Variants in PALM2AKAP2 observed in about 807,000 individuals in gnomAD.
The protein encoded by PALM2AKAP2 is PALM2-AKAP2 fusion protein.
PALM2AKAP2 carries 37 observed loss-of-function variants against 71.5 expected under a neutral mutation model. That is an observed-to-expected ratio of 0.52 (90% CI 0.40 to 0.68). The LOEUF (loss-of-function observed/expected upper bound fraction) is 0.68, where lower values mean the gene tolerates loss of function less well. Ranked by LOEUF, PALM2AKAP2 falls within the 30% of genes least tolerant of loss-of-function variation. The pLI, the probability that PALM2AKAP2 is intolerant of heterozygous loss-of-function variation, is 0.00. For synonymous variants in PALM2AKAP2, 468 were observed against 478.8 expected (o/e 0.98, Z 0.29); for missense variants, 1,224 against 1,191.8 (o/e 1.03, Z -0.40).
chr9:109,757,355 G>A (rs1450619486), intron 1 of PALM2AKAP2, among the ~76,000 whole-genome samples: 3 of 152,066 alleles, frequency 2.0e-5, no homozygotes, highest in Non-Finnish European at 4.4e-5. Flanking sequence ...ATACCAATGC[G>A]TGGTTTAATA....
intron 1 of PALM2AKAP2, among the ~76,000 whole-genome samples, chr9:110,070,754 T>G (rs1337748697): frequency 6.6e-6 from 1 of 152,198 alleles, no homozygotes; most frequent in Non-Finnish European, 1.5e-5. Flanking sequence ...GCGACCCCAG[T>G]CAGAACATGG....
intron 1 of PALM2AKAP2, among the ~76,000 whole-genome samples, chr9:110,050,376 T>C (rs1833685960): frequency 1.3e-5 from 2 of 152,210 alleles, no homozygotes; most frequent in African/African-American, 2.4e-5. Context: ...CACACTTTTC[T>C]TTCTGGAAAT....
intron 1 of PALM2AKAP2, among the ~76,000 whole-genome samples, chr9:109,812,874 A>G (rs1827760508): frequency 6.6e-6 from 1 of 152,226 alleles, no homozygotes; most frequent in Non-Finnish European, 1.5e-5. Flanking sequence ...TGGAAGGGGC[A>G]GTACCTGTTC....
chr9:109,775,806 T>C (rs187381400), upstream of PALM2AKAP2, among the ~76,000 whole-genome samples: 118 of 152,348 alleles, frequency 7.7e-4, no homozygotes, highest in African/African-American at 2.8e-3. Flanking sequence ...CACAAAGGAA[T>C]TGGCTATGAT....
chr9:109,959,328 T>C (rs1831808295), intron 6 of PALM2AKAP2, among the ~76,000 whole-genome samples: 1 of 152,136 alleles, frequency 6.6e-6, no homozygotes, highest in Admixed American at 6.6e-5. Context: ...TGCTCTGTAA[T>C]ACACCATAGA....
intron 7 of PALM2AKAP2, chr9:110,025,505 T>G: frequency 1.7e-6 from 1 of 598,920 alleles, no homozygotes; most frequent in Non-Finnish European, 2.9e-6. Context: ...GATAGTCACA[T>G]GTAAGCCTTT....
chr9:110,016,144 C>G, intron 7 of PALM2AKAP2, 105 bp downstream of exon 7: 1 of 1,097,348 alleles, frequency 9.1e-7, no homozygotes, highest in Non-Finnish European at 1.4e-6. Flanking sequence ...ATCCACCTTG[C>G]TAGAGTTCTC....
chr9:109,710,179 C>A lies in PALM2AKAP2; in HGVS notation c.5+69313C>A, dbSNP rs150749276. Among the ~76,000 whole-genome samples the A allele has an allele frequency of 2.2e-3, 337 of 152,324 alleles. 1 individual carries two copies. Among genetic ancestry groups the A allele is most frequent in the African/African-American group, 7.7e-3 (320 of 41,580 alleles). ...TAGAAGGACCCAATCGTGCCAACACCTTAGGACTTCTGGCCTCCAGAACTG... is the reference window on the plus strand; with the variant it reads ...TAGAAGGACCCAATCGTGCCAACACATTAGGACTTCTGGCCTCCAGAACTG... On this transcript the variant is annotated intron_variant, in intron 1 of 6. Transcript: ENST00000374531.
At chr9:109,980,357 A>G (rs1832248874) in intron 6 of PALM2AKAP2, among the ~76,000 whole-genome samples, 2 of 152,268 alleles carry the variant, frequency 1.3e-5, no homozygotes, top group South Asian at 4.1e-4. Context: ...TAAACTGCTC[A>G]CATTCTTTTG....
chr9:110,090,922 A>G (rs551184611), intron 1 of PALM2AKAP2, among the ~76,000 whole-genome samples: 51 of 152,138 alleles, frequency 3.4e-4, no homozygotes, highest in African/African-American at 1.1e-3. Context: ...CTGGGAATGT[A>G]TGAACGGTAT....
chr9:110,052,154 G>A (rs574096435), intron 1 of PALM2AKAP2, among the ~76,000 whole-genome samples: 17 of 152,180 alleles, frequency 1.1e-4, no homozygotes, highest in Admixed American at 5.2e-4. Context: ...TGCCCGCCTC[G>A]GCCTCCCAAA....
At chr9:110,065,096 G>A (rs1834049631) in intron 1 of PALM2AKAP2, among the ~76,000 whole-genome samples, 1 of 152,216 alleles carries the variant, frequency 6.6e-6, no homozygotes, top group African/African-American at 2.4e-5. Flanking sequence ...CTTTCTGGTG[G>A]AGGGCCAGCT....
chr9:110,129,546 A>AT (rs1216021355), intron 1 of PALM2AKAP2, among the ~76,000 whole-genome samples: 1 of 152,244 alleles, frequency 6.6e-6, no homozygotes, highest in East Asian at 1.9e-4. Flanking sequence ...AATAAAATTC[A>AT]TGCCTTTCCC....
At chr9:109,827,351 C>T (rs1292977012) in intron 1 of PALM2AKAP2, among the ~76,000 whole-genome samples, 1 of 152,158 alleles carries the variant, frequency 6.6e-6, no homozygotes, top group African/African-American at 2.4e-5. Flanking sequence ...CGCGGTGGCT[C>T]ATGACTGTAA....
At chr9:110,137,564 G>A in exon 2 of PALM2AKAP2, 1 of 1,614,194 alleles carries the variant, frequency 6.2e-7, no homozygotes, top group Non-Finnish European at 8.5e-7. Flanking sequence ...CGCCCGGGCT[G>A]TCCTCACTGT....
At chr9:109,931,987 C>A (rs1473068151) in exon 6 of PALM2AKAP2, 3 of 1,613,968 alleles carry the variant, frequency 1.9e-6, no homozygotes, top group Non-Finnish European at 2.5e-6. Context: ...TCACGAACAG[C>A]AGAACCATCA....
intron 1 of PALM2AKAP2, among the ~76,000 whole-genome samples, chr9:109,819,419 A>T (rs1827932027): frequency 6.6e-6 from 1 of 152,252 alleles, no homozygotes; most frequent in South Asian, 2.1e-4. Flanking sequence ...ATGCCTCATT[A>T]GCTGCTTATG....
intron 1 of PALM2AKAP2, among the ~76,000 whole-genome samples, chr9:110,120,812 CT>C (rs1835470519): frequency 6.6e-6 from 1 of 152,238 alleles, no homozygotes; most frequent in Non-Finnish European, 1.5e-5. Flanking sequence ...GGCCAAAAGC[CT>C]GCTTTTTGAT....
chr9:109,749,567 C>T (rs199829028), intron 1 of PALM2AKAP2, among the ~76,000 whole-genome samples: 1 of 142,740 alleles, frequency 7.0e-6, no homozygotes, highest in Non-Finnish European at 1.5e-5. Context: ...AAAAAAAAAG[C>T]CCAAAAAGTA....
Sources: gnomAD v4.1 joint callset for allele counts (sites outside exome capture counted in the v4.1 genomes callset) on GRCh38, gnomAD v4.1.1 for gene constraint, MANE v1.5 for transcripts, NCBI Gene and HGNC (gene_info 2026-07-23, HGNC 2026-07-21) for gene names.